DEAF1: variants seen among roughly 807,000 people sequenced by gnomAD.
DEAF1 encodes the protein DEAF1 transcription factor.
A neutral mutation model predicts 58.9 loss-of-function variants in DEAF1; 53 were observed. The ratio of observed to expected loss-of-function variants is 0.90; its 90% CI spans 0.72 to 1.13. The LOEUF (loss-of-function observed/expected upper bound fraction) is 1.13. Ranked by LOEUF, DEAF1 falls within the 50% of genes most tolerant of loss-of-function variation. The pLI is 0.00. For synonymous variants in DEAF1, 385 were observed against 340.4 expected (o/e 1.13, Z -1.44); for missense variants, 685 against 791.4 (o/e 0.87, Z 1.61).
intron 6 of DEAF1, among the ~76,000 whole-genome samples, chr11:684,685 G>A (rs1041404569): frequency 1.3e-4 from 20 of 152,294 alleles, no homozygotes; most frequent in Admixed American, 1.2e-3. Context: ...GCAACATCTT[G>A]GGGGCCAACC....
At chr11:704,261 G>A (rs1174621718) in intron 1 of DEAF1, 22 of 738,276 alleles carry the variant, frequency 3.0e-5, no homozygotes, top group South Asian at 2.0e-4. Context: ...GGCGCCTTCC[G>A]CTCGGTGGAC....
intron 11 of DEAF1, among the ~76,000 whole-genome samples, chr11:653,090 A>G (rs1294870816): frequency 7.1e-6 from 1 of 140,622 alleles, no homozygotes; most frequent in Non-Finnish European, 1.6e-5. Flanking sequence ...TCTCAAAAAA[A>G]AAAAAAAAAA....
At chr11:685,524 G>C (rs1270052926) in intron 5 of DEAF1, among the ~76,000 whole-genome samples, 2 of 151,158 alleles carry the variant, frequency 1.3e-5, no homozygotes, top group Non-Finnish European at 3.0e-5. Context: ...GTGAAACCTC[G>C]TGTCTGCTAA....
chr11:655,998 A>T (rs1026405142), intron 10 of DEAF1, among the ~76,000 whole-genome samples: 3 of 151,262 alleles, frequency 2.0e-5, no homozygotes, highest in Non-Finnish European at 2.9e-5. Context: ...CGCCTGGCTA[A>T]TTTTTTTGTA....
intron 1 of DEAF1, among the ~76,000 whole-genome samples, chr11:701,756 G>C (rs1485575721): frequency 6.6e-6 from 1 of 152,166 alleles, no homozygotes; most frequent in African/African-American, 2.4e-5. Flanking sequence ...GAACTCTTGG[G>C]CTCAAGCAAT....
At chr11:699,908 G>A (rs1421012541), upstream of DEAF1, 5 of 537,776 alleles carry the variant, frequency 9.3e-6, no homozygotes, top group African/African-American at 3.8e-5. Flanking sequence ...TGCACAGACC[G>A]CATTGTTGTG....
Position 671,180 on chromosome 11 carries a change from G to A in DEAF1, c.1503+3356C>T, listed in dbSNP as rs555838390. On this transcript the variant is annotated intron_variant, in intron 10 of 11. Transcript: ENST00000382409. ...CCTGACCTCGTGATCCGCCCGCCTC[G>A]GCCTCCCAAAGTGCTGGGATTACAG... 4.4e-3 allele frequency among the ~76,000 whole-genome samples: 663 copies of A among 150,472 alleles called. 5 individuals are homozygous for A. Among genetic ancestry groups the A allele is most frequent in the African/African-American group, 0.016 (639 of 40,902 alleles).
chr11:675,094 A>T (rs1200776056), intron 9 of DEAF1, among the ~76,000 whole-genome samples: 3 of 152,218 alleles, frequency 2.0e-5, no homozygotes, highest in Admixed American at 1.3e-4. Context: ...CTGAGGCAGG[A>T]GAAAGGTGTG....
intron 10 of DEAF1, chr11:654,611 A>T (rs931016975): frequency 1.1e-5 from 5 of 455,302 alleles, no homozygotes; most frequent in Non-Finnish European, 2.2e-5. Context: ...GCAGCGGCTC[A>T]TACCTGTAAT....
rs139696184 is a variant in DEAF1, at chr11:700,343, A to C, written c.-438+6229T>G. ...GGAGTTTGAGACCAGCCAGGCCAAC[A>C]TGGGGAAACCCCATCTCTACTAAAA... On this transcript the variant is annotated intron_variant, in intron 1 of 11. Transcript: ENST00000683307. 9.7e-6 allele frequency: 10 copies of C among 1,030,044 alleles called. No individual in the cohort carries two copies. The East Asian group carries it at 2.4e-4, about 25-fold the overall frequency. 63.8% of individuals were successfully genotyped at this position (1,030,044 alleles called of 1,614,324 possible). A position where few individuals can be genotyped will look rare whatever the true frequency, so the allele number is the denominator to read the frequency against.
chr11:654,220 G>C (rs1216503369), intron 10 of DEAF1, among the ~76,000 whole-genome samples, 169 bp from the exon 11 acceptor site: 1 of 144,930 alleles, frequency 6.9e-6, no homozygotes, highest in Non-Finnish European at 1.5e-5. Context: ...CCAGGCTGGA[G>C]TGCCGTGGTG....
At chr11:685,033 G>C in intron 5 of DEAF1, 70 bp from the exon 6 acceptor site, 22 of 1,057,420 alleles carry the variant, frequency 2.1e-5, no homozygotes, top group Non-Finnish European at 2.9e-5. Context: ...AATAATAGAA[G>C]ATTTCAACCA....
At chr11:671,149 C>T (rs1240692858) in intron 10 of DEAF1, among the ~76,000 whole-genome samples, 2 of 151,484 alleles carry the variant, frequency 1.3e-5, no homozygotes, top group African/African-American at 4.9e-5. Context: ...AGGATGGTCT[C>T]GATCTCCTGA....
chr11:644,466 C>G lies in DEAF1; in HGVS notation c.*84G>C, dbSNP rs1021664217. 27 of 1,027,814 alleles carry G rather than the reference C, an allele frequency of 2.6e-5. No homozygotes were observed. The Admixed American group carries it at 3.6e-4, about 14-fold the overall frequency. 63.7% of individuals were successfully genotyped at this position (1,027,814 alleles called of 1,614,324 possible). ...CCACACCCCTCTTCTCAACGTCCCC[C>G]CAGAGTCCTCAGGGGGGCCTTCGAC... On this transcript the variant is annotated 3_prime_UTR_variant, in exon 12 of 12. Coordinates refer to ENST00000382409, the MANE Select transcript of DEAF1 (RefSeq NM_021008.4). The surrounding 1 kb of genome is among the most constrained non-coding windows in gnomAD (Gnocchi z 4.3).
intron 10 of DEAF1, among the ~76,000 whole-genome samples, chr11:668,503 C>G (rs1001483054): frequency 6.6e-6 from 1 of 152,142 alleles, no homozygotes; most frequent in East Asian, 1.9e-4. Context: ...ACCTCTACCC[C>G]TGGGCTCCAG....
chr11:695,039 G>C lies in DEAF1; in HGVS notation c.9C>G (p.Asp3Glu). 1.4e-6 allele frequency: 2 copies of C among 1,424,318 alleles called. No individual in the cohort carries two copies. The highest frequency in any genetic ancestry group is 1.8e-6 in the Non-Finnish European group (2 of 1,087,864). 88.2% of individuals were successfully genotyped at this position (1,424,318 alleles called of 1,614,324 possible). A position where few individuals can be genotyped will look rare whatever the true frequency, so the allele number is the denominator to read the frequency against. ...CCAGCTGCTTTGCCGCCGAGTCCGAGTCCTCCATCCGGACTCCGCCGAGCC... is the reference window on the plus strand; with the variant it reads ...CCAGCTGCTTTGCCGCCGAGTCCGACTCCTCCATCCGGACTCCGCCGAGCC... ME[D>E]SDSAAKQLGL... Residue 3 changes from aspartate (D) to glutamate (E), a missense_variant, in exon 1 of 12, where the codon GAC (aspartate) becomes GAG (glutamate). Transcript: ENST00000382409.
At chr11:692,579 G>A (rs935517248) in intron 1 of DEAF1, among the ~76,000 whole-genome samples, 3 of 152,190 alleles carry the variant, frequency 2.0e-5, no homozygotes, top group Non-Finnish European at 2.9e-5. Context: ...GCAGCCGGGC[G>A]CGGTGGCTCA....
chr11:675,621 G>A (rs1446984065), intron 9 of DEAF1, among the ~76,000 whole-genome samples: 1 of 152,104 alleles, frequency 6.6e-6, no homozygotes, highest in South Asian at 2.1e-4. Context: ...TCAGGAGTTC[G>A]AGGCTAGCCT....
chr11:646,452 C>T (rs1858504582), intron 11 of DEAF1: 1 of 152,178 alleles, frequency 6.6e-6, no homozygotes, highest in Non-Finnish European at 1.5e-5. Context: ...CTGCACCCCT[C>T]ATGGGAGCTG....
Sources: gnomAD v4.1 joint callset for allele counts (sites outside exome capture counted in the v4.1 genomes callset) on GRCh38, gnomAD v4.1.1 for gene constraint, Gnocchi (gnomAD v3.1) non-coding constraint, MANE v1.5 for transcripts, NCBI Gene and HGNC (gene_info 2026-07-23, HGNC 2026-07-21) for gene names.